Variants in INSL6 observed in about 807,000 individuals in gnomAD.
INSL6 encodes the protein insulin like 6, also known as insulin-like peptide INSL6.
In INSL6, 16 loss-of-function variants were observed where a neutral mutation model predicts 9.4. The observed-to-expected ratio is 1.70, with a 90% CI of 1.15 to 2.59. The LOEUF (loss-of-function observed/expected upper bound fraction) is 2.59. Ranked by LOEUF, INSL6 falls within the 30% of genes most tolerant of loss-of-function variation. The pLI is 0.00. For synonymous variants in INSL6, 154 were observed against 96.9 expected, an observed-to-expected ratio of 1.59 and a Z score of -3.46; for missense variants, 391 against 257.3, an observed-to-expected ratio of 1.52 and a Z score of -3.56.
chr9:5,050,234 C>T, the INSL6 span, among the ~76,000 whole-genome samples: 1 of 152,086 alleles, frequency 6.6e-6, no homozygotes, highest in Non-Finnish European at 1.5e-5. Context: ...TGCAAATGAA[C>T]TTTTATTAAA....
the INSL6 span, chr9:5,113,919 AC>A: frequency 1.9e-4 from 44 of 236,170 alleles, no homozygotes; most frequent in Middle Eastern, 5.6e-4. Flanking sequence ...GTGGACACTT[AC>A]CCCCGACCAT....
At chr9:5,158,125 A>C (rs150446115) in intron 2 of INSL6, among the ~76,000 whole-genome samples, 27 of 152,346 alleles carry the variant, frequency 1.8e-4, no homozygotes, top group African/African-American at 5.5e-4. Context: ...AACTGAAGAC[A>C]GGCTATTTGA....
chr9:5,080,634 G>T, the INSL6 span: 1 of 1,598,176 alleles, frequency 6.3e-7, no homozygotes, highest in Non-Finnish European at 8.5e-7. Context: ...CAGATTTCAG[G>T]CCTTCTTTCA....
chr9:5,094,701 T>A, the INSL6 span: 1 of 152,194 alleles, frequency 6.6e-6, no homozygotes, highest in Non-Finnish European at 1.5e-5. Flanking sequence ...AGTTTCAGGC[T>A]TCAATGTCGA....
At chr9:5,107,456 C>G in the INSL6 span, among the ~76,000 whole-genome samples, 3 of 152,122 alleles carry the variant, frequency 2.0e-5, no homozygotes, top group Non-Finnish European at 2.9e-5. Context: ...CTGCCATGAG[C>G]TATTCAAACA....
the INSL6 span, chr9:5,113,525 G>A: frequency 5.7e-3 from 866 of 153,024 alleles, 13 homozygotes; most frequent in African/African-American, 0.02. Context: ...TGGTGGGCTG[G>A]TCTCAGCTGA....
chr9:5,016,942 A>G, the INSL6 span, among the ~76,000 whole-genome samples: 1 of 152,232 alleles, frequency 6.6e-6, no homozygotes, highest in Non-Finnish European at 1.5e-5. Flanking sequence ...TAGAATAGAA[A>G]AAAGACATGA....
chr9:5,060,110 C>A, the INSL6 span, among the ~76,000 whole-genome samples: 5 of 152,110 alleles, frequency 3.3e-5, no homozygotes, highest in Non-Finnish European at 7.3e-5. Flanking sequence ...ACTAAGTGTG[C>A]AACAGCATTA....
chr9:5,082,984 CT>C, the INSL6 span, among the ~76,000 whole-genome samples: 7 of 152,196 alleles, frequency 4.6e-5, no homozygotes, highest in Non-Finnish European at 1.0e-4. Context: ...ACTGATCTCT[CT>C]TTCTTTTCCC....
chr9:5,054,139 A>G, the INSL6 span, among the ~76,000 whole-genome samples: 1 of 152,098 alleles, frequency 6.6e-6, no homozygotes, highest in Non-Finnish European at 1.5e-5. The surrounding 1 kb of genome is among the most constrained non-coding windows in gnomAD (Gnocchi z 4.9). Flanking sequence ...AAATGTAACA[A>G]TTTCCAAAAT....
the INSL6 span, among the ~76,000 whole-genome samples, chr9:5,092,778 T>G: frequency 6.6e-6 from 1 of 152,204 alleles, no homozygotes; most frequent in Non-Finnish European, 1.5e-5. Flanking sequence ...TGAGTAGTGG[T>G]GATAAGCCTA....
At chr9:5,084,037 T>C in the INSL6 span, among the ~76,000 whole-genome samples, 4 of 152,188 alleles carry the variant, frequency 2.6e-5, no homozygotes, top group Non-Finnish European at 5.9e-5. Context: ...TTTATTGTAA[T>C]TTTGAGTTAA....
At chr9:5,071,677 GA>G in the INSL6 span, among the ~76,000 whole-genome samples, 1 of 152,152 alleles carries the variant, frequency 6.6e-6, no homozygotes, top group Non-Finnish European at 1.5e-5. Context: ...AAGGCAAAAT[GA>G]GAAAGACCCA....
chr9:5,178,403 T>C (rs1825366796), intron 1 of INSL6, among the ~76,000 whole-genome samples: 1 of 152,220 alleles, frequency 6.6e-6, no homozygotes, highest in East Asian at 1.9e-4. Flanking sequence ...ACAGCTGCTT[T>C]GGCAGATTGT....
the INSL6 span, chr9:5,114,493 C>A: frequency 6.6e-5 from 31 of 466,796 alleles, no homozygotes; most frequent in Admixed American, 2.9e-4. Context: ...TGTGCTCCCC[C>A]ACAGGTCTAC....
At chr9:5,082,466 C>CCTAT in the INSL6 span, among the ~76,000 whole-genome samples, 1 of 152,258 alleles carries the variant, frequency 6.6e-6, no homozygotes, top group African/African-American at 2.4e-5. Context: ...CAGTTTTTCT[C>CCTAT]CTATCTCAGA....
the INSL6 span, among the ~76,000 whole-genome samples, chr9:5,035,817 G>A: frequency 1.7e-4 from 26 of 152,134 alleles, no homozygotes; most frequent in African/African-American, 6.0e-4. Flanking sequence ...TTGAAAACTG[G>A]CACAAGACAG....
rs111735356 is a variant in INSL6, at chr9:5,132,314, A to C, written c.*10+1111T>G. On this transcript the variant is annotated intron_variant, in intron 3 of 3. Transcript: ENST00000649639. ...ATGATGAACATGGTGCTAGGAAAAAAGAATTTCAGTTTCTATCATCTAAGA... is the reference window on the plus strand; with the variant it reads ...ATGATGAACATGGTGCTAGGAAAAACGAATTTCAGTTTCTATCATCTAAGA... Among the ~76,000 whole-genome samples, 682 of 152,328 alleles carry C rather than the reference A, an allele frequency of 4.5e-3. 2 individuals carry two copies. The highest frequency in any genetic ancestry group is 0.016 in the African/African-American group (656 of 41,576).
chr9:5,144,096 G>T (rs1475840899), intron 2 of INSL6, among the ~76,000 whole-genome samples: 1 of 152,154 alleles, frequency 6.6e-6, no homozygotes. Flanking sequence ...GTGATGTTAG[G>T]TTGTTAACTT....
Sources: allele counts gnomAD v4.1 joint callset (sites outside exome capture counted in the v4.1 genomes callset), GRCh38; gene constraint gnomAD v4.1.1; non-coding constraint Gnocchi (gnomAD v3.1); transcripts MANE v1.5; gene names NCBI Gene and HGNC (gene_info 2026-07-23, HGNC 2026-07-21).